The following IMPG2 variants were observed in gnomAD, a reference collection of about 807,000 sequenced individuals.
IMPG2 encodes the protein IPM 200.
Under a neutral mutation model 129.2 loss-of-function variants are expected in IMPG2, and 91 were observed. The ratio of observed to expected loss-of-function variants is 0.70; its 90% CI spans 0.59 to 0.84. The LOEUF (loss-of-function observed/expected upper bound fraction) is 0.84. IMPG2 is among the 40% of genes least tolerant of loss of function. IMPG2 has a pLI of 0.00. For missense variants in IMPG2, 1,430 were observed against 1,461.7 expected, an observed-to-expected ratio of 0.98 and a Z score of 0.35; for synonymous variants, 510 against 517.7, an observed-to-expected ratio of 0.99 and a Z score of 0.20.
Position 101,244,581 on chromosome 3 carries a change from G to T in IMPG2, c.1750C>A (p.Pro584Thr). 6.3e-7 allele frequency: 1 copy of T among 1,594,236 alleles called. No individual in the cohort carries two copies. Among genetic ancestry groups the T allele is most frequent in the Non-Finnish European group, 8.5e-7 (1 of 1,170,960 alleles). Reference protein sequence around the residue: ...SKVKDQLKVSPFLPDASMEKE... With the variant: ...SKVKDQLKVSTFLPDASMEKE... The stretch of plus-strand genomic sequence containing the variant: ...TCCATGGATGCATCTGGCAGGAAAG[G>T]GCTCACTTTTAATTGGTCTTTGACT... The change falls in exon 13 of 19, where the codon CCT becomes ACT. Residue 584 changes from proline (P) to threonine (T), a missense_variant. Pro to Thr is a conservative substitution (Grantham distance 38). Transcript: ENST00000193391.
At chr3:101,315,727 A>G (rs2058781199) in intron 2 of IMPG2, among the ~76,000 whole-genome samples, 1 of 152,148 alleles carries the variant, frequency 6.6e-6, no homozygotes, top group South Asian at 2.1e-4. Flanking sequence ...AAACTGATCT[A>G]TAGAATGAAA....
chr3:101,256,029 A>G (rs1706595041), intron 10 of IMPG2, among the ~76,000 whole-genome samples: 1 of 151,282 alleles, frequency 6.6e-6, no homozygotes, highest in South Asian at 2.1e-4. Context: ...GTTGAAAGCA[A>G]TGTAAAGTTT....
chr3:101,320,454 G>A lies in IMPG2; in HGVS notation c.-82C>T. The A allele has an allele frequency of 1.2e-6, 1 of 845,458 alleles. No homozygotes were observed. Among genetic ancestry groups the A allele is most frequent in the Non-Finnish European group, 2.0e-6 (1 of 496,384 alleles). 52.4% of individuals were successfully genotyped at this position (845,458 alleles called of 1,614,324 possible). A position where few individuals can be genotyped will look rare whatever the true frequency, so the allele number is the denominator to read the frequency against. ...TCCTTGAAACTTCCAATAACAAAGA[G>A]TTATAGGAAAGACCTAACATTTAAA... On this transcript the variant is annotated 5_prime_UTR_variant, in exon 1 of 19. Coordinates refer to ENST00000193391, the MANE Select transcript of IMPG2 (RefSeq NM_016247.4).
intron 2 of IMPG2, among the ~76,000 whole-genome samples, chr3:101,313,522 ATAACC>A (rs2058767624): frequency 6.6e-6 from 1 of 152,134 alleles, no homozygotes; most frequent in African/African-American, 2.4e-5. Flanking sequence ...TCTAGCAGAA[ATAACC>A]TGCCCTGGAA....
At chr3:101,240,167 G>A (rs534706642) in intron 14 of IMPG2, among the ~76,000 whole-genome samples, 2 of 151,874 alleles carry the variant, frequency 1.3e-5, no homozygotes, top group Admixed American at 1.3e-4. Context: ...GCCCAGGCTA[G>A]AGTGTAGTCG....
intron 12 of IMPG2, among the ~76,000 whole-genome samples, chr3:101,245,410 G>A (rs1461977598): frequency 6.6e-6 from 1 of 152,026 alleles, no homozygotes; most frequent in Non-Finnish European, 1.5e-5. Context: ...AAAATCTTTA[G>A]ACTTGGCCCC....
intron 11 of IMPG2, among the ~76,000 whole-genome samples, chr3:101,246,892 C>T (rs1268797230): frequency 6.6e-6 from 1 of 151,856 alleles, no homozygotes; most frequent in African/African-American, 2.4e-5. Context: ...TCACTTGAGG[C>T]CAGCAGTCCA....
chr3:101,303,229 A>T (rs919340468), intron 3 of IMPG2, among the ~76,000 whole-genome samples: 5 of 152,248 alleles, frequency 3.3e-5, no homozygotes, highest in Non-Finnish European at 7.3e-5. Context: ...TTAAACAAAC[A>T]TCTATTGCAT....
chr3:101,244,865 C>T (rs1243300441), intron 12 of IMPG2, 78 bp from the exon 13 acceptor site: 5 of 1,230,540 alleles, frequency 4.1e-6, no homozygotes, highest in Admixed American at 1.9e-5. Flanking sequence ...AAACTAGTTG[C>T]CTGTTTTTTC....
chr3:101,252,387 C>T (rs561389504), intron 11 of IMPG2, among the ~76,000 whole-genome samples: 2 of 152,248 alleles, frequency 1.3e-5, no homozygotes, highest in South Asian at 4.1e-4. Context: ...CAAAGCTCCT[C>T]CTGTGGTTAG....
At chr3:101,281,800 A>T (rs1350393916) in intron 4 of IMPG2, among the ~76,000 whole-genome samples, 1 of 152,160 alleles carries the variant, frequency 6.6e-6, no homozygotes, top group African/African-American at 2.4e-5. Flanking sequence ...AATGTGAGAG[A>T]GACTCCACCG....
rs1455320566 is a variant in IMPG2, at chr3:101,224,048, A to C, written c.*2921T>G. On this transcript the variant is annotated 3_prime_UTR_variant, in exon 19 of 19. Transcript: ENST00000193391. ...TAACCCCAGCTACTCAGGAAGCTGA[A>C]GCACGAGAATCGCTTGAACCCAGGA... 1 of 152,172 alleles carries C rather than the reference A, an allele frequency of 6.6e-6. No individual in the cohort carries two copies. The highest frequency in any genetic ancestry group is 1.5e-5 in the Non-Finnish European group (1 of 68,048). 9.4% of individuals were successfully genotyped at this position (152,172 alleles called of 1,614,324 possible).
intron 3 of IMPG2, 36 bp downstream of exon 3, chr3:101,304,110 T>C (rs778527949): frequency 1.2e-6 from 2 of 1,608,876 alleles, no homozygotes; most frequent in Non-Finnish European, 1.7e-6. Flanking sequence ...GCTCCTACAA[T>C]AGTCCAGGAA....
At chr3:101,240,040 A>G (rs1045899393) in intron 14 of IMPG2, among the ~76,000 whole-genome samples, 3 of 152,170 alleles carry the variant, frequency 2.0e-5, no homozygotes, top group African/African-American at 7.2e-5. Flanking sequence ...CACGTTCTAC[A>G]CATGTATCCC....
chr3:101,229,415 T>G lies in IMPG2; in HGVS notation c.3598A>C (p.Arg1200=), dbSNP rs900270696. ...AGCTCACTGCTCTCATACATCTGTC[T>G]GATTTCTTCTCTGCTCAGCCCACCA... ...VIGGLSREEI[R]QMYESSELSR... is the part of the protein sequence containing the mutation. Residue 1200 remains arginine (R), a synonymous_variant, in exon 17 of 19, where the codon AGA becomes CGA. Coordinates refer to ENST00000193391, the MANE Select transcript of IMPG2 (RefSeq NM_016247.4). The G allele has an allele frequency of 6.2e-7, 1 of 1,609,040 alleles. No individual in the cohort carries two copies. Among genetic ancestry groups the G allele is most frequent in the African/African-American group, 1.3e-5 (1 of 74,572 alleles).
In IMPG2 at chr3:101,242,797, G is replaced by A; in HGVS notation, c.2913C>T (p.Val971=). The change falls in exon 14 of 19, where the codon GTC becomes GTT. Residue 971 remains valine (V), a synonymous_variant. Transcript: ENST00000193391. ...ACACCGCATTGTTGACGTTAGGAGGGACAGAATTGGCAAACTTCATTCGAC... is the reference window on the plus strand; with the variant it reads ...ACACCGCATTGTTGACGTTAGGAGGAACAGAATTGGCAAACTTCATTCGAC... The part of the protein sequence containing the change: ...VNSRMKFANS[V]PPNVNNAVYM... 1 of 1,613,944 alleles carries A rather than the reference G, an allele frequency of 6.2e-7. No homozygotes were observed. Among genetic ancestry groups the A allele is most frequent in the East Asian group, 2.2e-5 (1 of 44,858 alleles).
rs781051398 is a variant in IMPG2 at position 101,229,604 on chromosome 3, A to G, written c.3423-14T>C. The G allele has an allele frequency of 1.2e-6, 2 of 1,609,434 alleles. No individual in the cohort carries two copies. The highest frequency in any genetic ancestry group is 1.7e-5 in the Admixed American group (1 of 59,958). On this transcript the variant is annotated splice_polypyrimidine_tract_variant and intron_variant, in intron 16 of 18. Transcript: ENST00000193391. ...CTGCTGGAGCCACTAAAAGAAAGAT[A>G]TGATGGATTCAGGCTCTTGTTTGGA...
intron 2 of IMPG2, among the ~76,000 whole-genome samples, chr3:101,317,729 T>A (rs1174695511): frequency 3.3e-5 from 5 of 152,156 alleles, no homozygotes; most frequent in Admixed American, 6.6e-5. Flanking sequence ...ATTCATAGCA[T>A]CTGTATTTTA....
chr3:101,320,328 C>G lies in IMPG2; in HGVS notation c.45G>C (p.Leu15Phe). Reference sequence around the variant, plus strand: ...AGTCTCCTTCTATCAGGACAAATATCAAAATACCCAGAGAAATCTTCCCAA... The same window carrying G: ...AGTCTCCTTCTATCAGGACAAATATGAAAATACCCAGAGAAATCTTCCCAA... The part of the protein sequence containing the change: ...PLFGKISLGI[L>F]IFVLIEGDFP... The change falls in exon 1 of 19, where the codon TTG (leucine) becomes TTC (phenylalanine). Residue 15 changes from leucine to phenylalanine, a missense_variant. Physicochemically the swap from Leu to Phe is conservative, Grantham distance 22 (BLOSUM62 0). Transcript: ENST00000193391. The G allele has an allele frequency of 6.2e-7, 1 of 1,607,668 alleles. No homozygotes were observed. Among genetic ancestry groups the G allele is most frequent in the Non-Finnish European group, 8.5e-7 (1 of 1,174,936 alleles).
Sources: allele counts gnomAD v4.1 joint callset (sites outside exome capture counted in the v4.1 genomes callset), GRCh38; gene constraint gnomAD v4.1.1; transcripts MANE v1.5; gene names NCBI Gene and HGNC (gene_info 2026-07-23, HGNC 2026-07-21).